FUT9: variants seen among roughly 807,000 people sequenced by gnomAD.
The protein encoded by FUT9 is 4-galactosyl-N-acetylglucosaminide 3-alpha-L-fucosyltransferase 9.
Under a neutral mutation model 29.7 loss-of-function variants are expected in FUT9, and 15 were observed. The observed-to-expected ratio is 0.51, with a 90% CI of 0.34 to 0.78. FUT9 has a LOEUF of 0.78. Among genes scored for constraint, FUT9 ranks in the 30% least tolerant of loss-of-function variants. The pLI, the probability that FUT9 is intolerant of heterozygous loss-of-function variation, is 0.01. For synonymous variants in FUT9, 169 were observed against 153.7 expected (o/e 1.10, Z -0.74); for missense variants, 319 against 425.4 (o/e 0.75, Z 2.20).
intron 1 of FUT9, chr6:96,020,721 T>C (rs1421848371): frequency 6.6e-6 from 1 of 152,072 alleles, no homozygotes; most frequent in Non-Finnish European, 1.5e-5. Context: ...AACAACACTA[T>C]ATTATCTAAA....
chr6:96,035,855 TTATTATATTAATATAATATAA>T (rs1770350961), intron 1 of FUT9, among the ~76,000 whole-genome samples: 1 of 117,530 alleles, frequency 8.5e-6, no homozygotes, highest in African/African-American at 2.9e-5. Context: ...TATATTATGT[TTATTATATTAATATAATATAA>T]TACATTATGT....
At chr6:96,102,316 G>A (rs917835798) in intron 1 of FUT9, among the ~76,000 whole-genome samples, 4 of 151,694 alleles carry the variant, frequency 2.6e-5, no homozygotes, top group Admixed American at 6.6e-5. Flanking sequence ...TATAAATACA[G>A]CACTAAATTT....
At chr6:96,175,734 A>G (rs1382246086) in intron 2 of FUT9, among the ~76,000 whole-genome samples, 2 of 152,222 alleles carry the variant, frequency 1.3e-5, no homozygotes, top group Non-Finnish European at 2.9e-5. Context: ...CAAACTTTCT[A>G]TAGGGGGCCA....
rs1582314023 is a variant in FUT9, at chr6:96,210,989, T to C, written c.*6754T>C. 6.0e-6 allele frequency: 1 copy of C among 166,888 alleles called. No homozygotes were observed. The highest frequency in any genetic ancestry group is 6.6e-5 in the Admixed American group (1 of 15,240). The allele number at this position is 166,888 out of a possible 1,614,324, so 10.3% of individuals were successfully genotyped here. A position where few individuals can be genotyped will look rare whatever the true frequency, so the allele number is the denominator to read the frequency against. ...GTTCAAGTGTTATCTTTTATTCTTATAAAAGATAATTGTGAGGAATCCAGT... is the reference window on the plus strand; with the variant it reads ...GTTCAAGTGTTATCTTTTATTCTTACAAAAGATAATTGTGAGGAATCCAGT... On this transcript the variant is annotated 3_prime_UTR_variant, in exon 3 of 3. Coordinates refer to ENST00000302103, the MANE Select transcript of FUT9 (RefSeq NM_006581.4).
rs146624424 is a variant in FUT9 at position 96,045,697 on chromosome 6, G to A, written c.-98+29485G>A. On this transcript the variant is annotated intron_variant, in intron 1 of 2. Transcript: ENST00000302103. ...AGTTCCTGTAGAGAAAAGGGTGCTT[G>A]GATGGGAAAAGCTGGGGCTGAAACT... Among the ~76,000 whole-genome samples the A allele has an allele frequency of 5.0e-4, 76 of 152,288 alleles. 1 individual carries two copies. In the East Asian group the frequency reaches 0.014, roughly 28 times the overall value.
intron 1 of FUT9, among the ~76,000 whole-genome samples, chr6:96,104,878 A>G (rs575526562): frequency 1.3e-5 from 2 of 152,358 alleles, no homozygotes; most frequent in South Asian, 4.1e-4. Context: ...AATAGAAGGC[A>G]GGTACAGATT....
At chr6:96,120,430 C>T (rs1772003804) in intron 2 of FUT9, among the ~76,000 whole-genome samples, 1 of 150,618 alleles carries the variant, frequency 6.6e-6, no homozygotes. Flanking sequence ...GCCACCACGC[C>T]CAGCTAATTT....
At chr6:96,034,289 A>T (rs1770315148) in intron 1 of FUT9, among the ~76,000 whole-genome samples, 1 of 151,662 alleles carries the variant, frequency 6.6e-6, no homozygotes, top group Non-Finnish European at 1.5e-5. Flanking sequence ...TATCATTATA[A>T]CTATTACTGA....
At chr6:96,154,003 C>A (rs189914324) in intron 2 of FUT9, among the ~76,000 whole-genome samples, 59 of 152,214 alleles carry the variant, frequency 3.9e-4, no homozygotes, top group African/African-American at 1.4e-3. Flanking sequence ...TATGTTTCTG[C>A]CACATTAACC....
chr6:96,030,017 TA>T (rs1770233381), intron 1 of FUT9, among the ~76,000 whole-genome samples: 1 of 151,486 alleles, frequency 6.6e-6, no homozygotes, highest in Admixed American at 6.6e-5. Flanking sequence ...ACTGAAAGGA[TA>T]AAAAGATAAA....
At chr6:96,040,289 C>T (rs1770437747) in intron 1 of FUT9, among the ~76,000 whole-genome samples, 1 of 152,026 alleles carries the variant, frequency 6.6e-6, no homozygotes. Flanking sequence ...TCAACTCAGG[C>T]CTACAATAAA....
intron 2 of FUT9, among the ~76,000 whole-genome samples, chr6:96,130,845 T>G (rs1772229578): frequency 6.6e-6 from 1 of 152,190 alleles, no homozygotes; most frequent in Non-Finnish European, 1.5e-5. Flanking sequence ...TTCTCTTTAC[T>G]GTGGCAGTGC....
At chr6:96,043,584 TAA>T (rs1770507367) in intron 1 of FUT9, among the ~76,000 whole-genome samples, 1 of 152,228 alleles carries the variant, frequency 6.6e-6, no homozygotes, top group South Asian at 2.1e-4. Flanking sequence ...AGTACATTAT[TAA>T]GTGTCTTACA....
At chr6:96,113,760 C>A (rs1029521820) in intron 1 of FUT9, among the ~76,000 whole-genome samples, 1 of 150,504 alleles carries the variant, frequency 6.6e-6, no homozygotes, top group Admixed American at 6.6e-5. Flanking sequence ...AGGCTGAGGC[C>A]GGAGAATGTC....
chr6:96,044,442 C>T (rs1005197978), intron 1 of FUT9, among the ~76,000 whole-genome samples: 7 of 152,098 alleles, frequency 4.6e-5, no homozygotes, highest in African/African-American at 1.4e-4. Flanking sequence ...CTCTGCCATG[C>T]CTGATAAACT....
intron 2 of FUT9, among the ~76,000 whole-genome samples, chr6:96,138,364 C>T (rs1237002264): frequency 2.6e-5 from 4 of 151,672 alleles, no homozygotes; most frequent in African/African-American, 9.7e-5. Flanking sequence ...CTATTTTTTT[C>T]TTTGTTTTAC....
intron 2 of FUT9, among the ~76,000 whole-genome samples, chr6:96,150,635 A>C (rs1772658695): frequency 6.6e-6 from 1 of 152,212 alleles, no homozygotes; most frequent in African/African-American, 2.4e-5. Flanking sequence ...CTCAGGCTCA[A>C]CAATTTCTTA....
chr6:96,056,906 A>G (rs925607439), intron 1 of FUT9, among the ~76,000 whole-genome samples: 1 of 152,216 alleles, frequency 6.6e-6, no homozygotes, highest in Non-Finnish European at 1.5e-5. Flanking sequence ...AGGCACATGC[A>G]TTCAGTAGAA....
intron 2 of FUT9, among the ~76,000 whole-genome samples, chr6:96,167,890 C>T (rs1176175856): frequency 2.0e-5 from 3 of 151,928 alleles, no homozygotes; most frequent in Non-Finnish European, 4.4e-5. Flanking sequence ...AAACGAGTGG[C>T]CAGGGAACTG....
Sources: allele counts gnomAD v4.1 joint callset (sites outside exome capture counted in the v4.1 genomes callset), GRCh38; gene constraint gnomAD v4.1.1; transcripts MANE v1.5; gene names NCBI Gene and HGNC (gene_info 2026-07-23, HGNC 2026-07-21).